CSMD1: variants seen among roughly 807,000 people sequenced by gnomAD.
CSMD1 encodes CUB and Sushi multiple domains 1.
Under a neutral mutation model 417.5 loss-of-function variants are expected in CSMD1, and 213 were observed. The ratio of observed to expected loss-of-function variants is 0.51; its 90% CI spans 0.46 to 0.57. The LOEUF is 0.57. CSMD1 is among the 20% of genes least tolerant of loss of function. The probability of loss-of-function intolerance (pLI) is 0.00; values close to 1 mark genes in which losing one functional copy is unlikely to be tolerated. For synonymous variants in CSMD1, 2,862 were observed against 1,736.8 expected, an observed-to-expected ratio of 1.65 and a Z score of -16.11; for missense variants, 6,923 against 4,529.7, an observed-to-expected ratio of 1.53 and a Z score of -15.17.
intron 7 of CSMD1, among the ~76,000 whole-genome samples, chr8:3,636,331 C>T (rs1797044885): frequency 1.3e-5 from 2 of 152,200 alleles, no homozygotes; most frequent in African/African-American, 4.8e-5. Flanking sequence ...GCATGCGCCA[C>T]CACGCCTGGC....
intron 26 of CSMD1, among the ~76,000 whole-genome samples, chr8:3,283,342 G>A (rs1407658795): frequency 3.3e-5 from 5 of 152,108 alleles, no homozygotes; most frequent in Admixed American, 2.6e-4. Context: ...GGTTAGGGGA[G>A]CCCTGAAGAT....
intron 2 of CSMD1, among the ~76,000 whole-genome samples, chr8:4,501,813 G>C (rs1241252583): frequency 1.3e-5 from 2 of 152,232 alleles, no homozygotes; most frequent in South Asian, 2.1e-4. Flanking sequence ...AGCGTAGTGG[G>C]CCTTATTTAT....
chr8:3,491,884 G>C (rs546369005), intron 11 of CSMD1, among the ~76,000 whole-genome samples: 23 of 152,304 alleles, frequency 1.5e-4, no homozygotes, highest in Non-Finnish European at 2.2e-4. Flanking sequence ...AAAGGAGTTA[G>C]AAAGAGACAG....
At chr8:4,865,208 TAA>T (rs573393641) in intron 1 of CSMD1, among the ~76,000 whole-genome samples, 72 of 151,958 alleles carry the variant, frequency 4.7e-4, no homozygotes, top group Non-Finnish European at 7.2e-4. Context: ...TGCATAATGA[TAA>T]GTCCTTTATT....
intron 12 of CSMD1, 110 bp from the exon 13 acceptor site, chr8:3,409,715 A>G: frequency 1.3e-6 from 1 of 790,082 alleles, no homozygotes. Context: ...ACTAAACATC[A>G]TTTTTGTAAA....
chr8:4,817,643 AT>A (rs1799282946), intron 1 of CSMD1, among the ~76,000 whole-genome samples: 1 of 152,264 alleles, frequency 6.6e-6, no homozygotes, highest in Non-Finnish European at 1.5e-5. Context: ...AATAACATGC[AT>A]AAAATCAATG....
chr8:3,800,925 T>C (rs994132324), intron 5 of CSMD1, among the ~76,000 whole-genome samples: 3 of 152,260 alleles, frequency 2.0e-5, no homozygotes, highest in Non-Finnish European at 4.4e-5. Context: ...CCTCTTTCTT[T>C]ATAATTTATC....
intron 3 of CSMD1, among the ~76,000 whole-genome samples, chr8:4,136,639 A>G (rs1181093139): frequency 1.2e-4 from 19 of 152,322 alleles, no homozygotes; most frequent in African/African-American, 4.6e-4. Flanking sequence ...AAATAGTGAG[A>G]CAGCATTTTC....
At chr8:4,205,025 A>T (rs1021291661) in intron 3 of CSMD1, among the ~76,000 whole-genome samples, 19 of 152,202 alleles carry the variant, frequency 1.2e-4, no homozygotes, top group African/African-American at 4.6e-4. Context: ...CATGTATTCA[A>T]GCAAGAGTAA....
chr8:4,993,765 C>T (rs914813025), intron 1 of CSMD1, among the ~76,000 whole-genome samples: 6 of 152,312 alleles, frequency 3.9e-5, no homozygotes, highest in African/African-American at 7.2e-5. Context: ...AGCTACTCCT[C>T]GCCGGCTGAG....
chr8:4,119,869 G>C (rs987629025), intron 3 of CSMD1, among the ~76,000 whole-genome samples: 1 of 152,202 alleles, frequency 6.6e-6, no homozygotes, highest in Non-Finnish European at 1.5e-5. Flanking sequence ...ATCTGAAAGG[G>C]TTCGACAAAG....
intron 3 of CSMD1, among the ~76,000 whole-genome samples, chr8:4,259,681 A>G (rs1240148572): frequency 6.6e-6 from 1 of 152,158 alleles, no homozygotes; most frequent in African/African-American, 2.4e-5. Flanking sequence ...CTGGGTCCTG[A>G]AATTTCTATT....
intron 3 of CSMD1, among the ~76,000 whole-genome samples, chr8:4,115,662 T>G (rs1480154199): frequency 6.6e-6 from 1 of 152,180 alleles, no homozygotes; most frequent in Non-Finnish European, 1.5e-5. Flanking sequence ...TGCCCATAAT[T>G]GCTAAAATTT....
intron 5 of CSMD1, among the ~76,000 whole-genome samples, chr8:3,853,808 A>G (rs147729329): frequency 0.035 from 5,269 of 150,618 alleles, 105 homozygotes; most frequent in Middle Eastern, 0.06. Context: ...AACATGGCAC[A>G]TGTATACATA....
intron 49 of CSMD1, among the ~76,000 whole-genome samples, chr8:3,071,774 G>A (rs993133483): frequency 1.3e-5 from 2 of 152,130 alleles, no homozygotes; most frequent in African/African-American, 4.8e-5. Context: ...CAGTCCATCT[G>A]AACTCTACTC....
intron 2 of CSMD1, among the ~76,000 whole-genome samples, chr8:4,433,256 G>T (rs376319543): frequency 2.0e-5 from 3 of 152,106 alleles, no homozygotes; most frequent in Non-Finnish European, 4.4e-5. Flanking sequence ...ACATTTGAAT[G>T]ACCCCGAAAC....
chr8:4,354,471 C>G (rs562449427), intron 3 of CSMD1, among the ~76,000 whole-genome samples: 1 of 152,208 alleles, frequency 6.6e-6, no homozygotes, highest in East Asian at 1.9e-4. Flanking sequence ...AATTATAATA[C>G]ATGGGGTGGA....
At chr8:4,796,840 G>C (rs540347141) in intron 1 of CSMD1, among the ~76,000 whole-genome samples, 132 of 152,146 alleles carry the variant, frequency 8.7e-4, no homozygotes, top group African/African-American at 3.0e-3. Flanking sequence ...ATTTCTCTTG[G>C]ACAATTGCAA....
chr8:3,917,830 T>A (rs1002561933), intron 5 of CSMD1, among the ~76,000 whole-genome samples: 8 of 152,080 alleles, frequency 5.3e-5, no homozygotes, highest in African/African-American at 1.9e-4. Context: ...GTGTATGCGG[T>A]AAAAGCACAT....
Sources: allele counts gnomAD v4.1 joint callset (sites outside exome capture counted in the v4.1 genomes callset), GRCh38; gene constraint gnomAD v4.1.1; transcripts MANE v1.5; gene names NCBI Gene and HGNC (gene_info 2026-07-23, HGNC 2026-07-21).